ABCA10: variants seen among roughly 807,000 people sequenced by gnomAD.
The protein encoded by ABCA10 is ATP-binding cassette sub-family A member 10.
Under a neutral mutation model 187.5 loss-of-function variants are expected in ABCA10, and 169 were observed. The ratio of observed to expected loss-of-function variants is 0.90; its 90% CI spans 0.80 to 1.02. The LOEUF is 1.02. ABCA10 is among the 50% of genes least tolerant of loss of function. The pLI is 0.00. For synonymous variants in ABCA10, 574 were observed against 601.8 expected (o/e 0.95, Z 0.68); for missense variants, 1,727 against 1,812.4 (o/e 0.95, Z 0.86).
At chr17:69,168,028 G>A (rs2074267179) in intron 25 of ABCA10, among the ~76,000 whole-genome samples, 1 of 151,686 alleles carries the variant, frequency 6.6e-6, no homozygotes, top group Non-Finnish European at 1.5e-5. Context: ...TTAATATGAA[G>A]ACAACAAGAA....
At chr17:69,189,350 T>C (rs1017093237) in intron 18 of ABCA10, among the ~76,000 whole-genome samples, 4 of 152,216 alleles carry the variant, frequency 2.6e-5, no homozygotes, top group African/African-American at 9.6e-5. Flanking sequence ...TCTGTTCATG[T>C]CCTTTGTCCA....
At chr17:69,151,064 T>C (rs2074124145) in intron 36 of ABCA10, among the ~76,000 whole-genome samples, 1 of 152,198 alleles carries the variant, frequency 6.6e-6, no homozygotes, top group Admixed American at 6.5e-5. Context: ...ACTTTGTTTG[T>C]TGCCAGACCA....
At chr17:69,152,549 G>A (rs866043594) in intron 34 of ABCA10, 68 bp from the exon 35 acceptor site, 31 of 1,534,436 alleles carry the variant, frequency 2.0e-5, no homozygotes, top group Non-Finnish European at 2.5e-5. Context: ...ATAGAAAAAA[G>A]CAGGAAATCT....
Position 69,226,369 on chromosome 17 carries a change from G to A in ABCA10, c.-172+776C>T, listed in dbSNP as rs529593137. Among the ~76,000 whole-genome samples, 15 of 151,952 alleles carry A rather than the reference G, an allele frequency of 9.9e-5. No individual in the cohort carries two copies. The East Asian group carries it at 1.4e-3, about 14-fold the overall frequency. The stretch of plus-strand genomic sequence containing the variant: ...ATAGATGTATCCTTCTTCAATATAC[G>A]AAGCAAAATATTTGATCGAACTGCT... On this transcript the variant is annotated intron_variant, in intron 2 of 38. Coordinates refer to ENST00000690296, the MANE Select transcript of ABCA10 (RefSeq NM_001377321.1).
rs565088982 is a variant in ABCA10, at chr17:69,244,168, A to G, written c.-593+361T>C. On this transcript the variant is annotated intron_variant, in intron 1 of 39. Transcript: ENST00000269081. The stretch of plus-strand genomic sequence containing the variant: ...TTAAAGTGATTGCTTTCTATTTACA[A>G]AAAAATACATTCAAGACAAAAAGAT... The G allele has an allele frequency of 1.4e-4, 22 of 152,296 alleles. No homozygotes were observed. In the South Asian group the frequency reaches 3.1e-3, roughly 21 times the overall value. The allele number at this position is 152,296 out of a possible 1,614,324, so 9.4% of individuals were successfully genotyped here. A position where few individuals can be genotyped will look rare whatever the true frequency, so the allele number is the denominator to read the frequency against.
rs960960957 is a variant in ABCA10, at chr17:69,164,985, C to G, written c.3261G>C (p.Gly1087=). The G allele has an allele frequency of 1.2e-6, 2 of 1,612,932 alleles. No homozygotes were observed. The highest frequency in any genetic ancestry group is 1.7e-6 in the Non-Finnish European group (2 of 1,179,386). Residue 1087 remains glycine (G), a synonymous_variant, in exon 26 of 39, where the codon GGG becomes GGC. Transcript: ENST00000690296. ...MIFIPSFTLL[G]YVMLLIQLDF... is the part of the protein sequence containing the mutation. Reference sequence around the variant, plus strand: ...TTACCTGGATCAATAACATGACATACCCCAGCAAAGTGAAGGAAGGTATGA... The same window carrying G: ...TTACCTGGATCAATAACATGACATAGCCCAGCAAAGTGAAGGAAGGTATGA...
chr17:69,175,421 G>A lies in ABCA10; in HGVS notation c.2862C>T (p.Ser954=), dbSNP rs780752814. Residue 954 remains serine (S), a synonymous_variant, in exon 23 of 39, where the codon AGC becomes AGT. Coordinates refer to ENST00000690296, the MANE Select transcript of ABCA10 (RefSeq NM_001377321.1). ...NCVSPFIGMS[S]ISDYKKNVQS... ...TCCCTCTTACTTTATAATCGCTGAT[G>A]CTGCTCATGCCGATAAAAGGAGAAA... is the stretch of plus-strand genomic sequence containing the variant. 1.9e-6 allele frequency: 3 copies of A among 1,609,994 alleles called. No individual in the cohort carries two copies. In the East Asian group the frequency reaches 6.7e-5, roughly 36 times the overall value.
Position 69,187,856 on chromosome 17 carries a change from T to C in ABCA10, c.2155A>G (p.Lys719Glu). Residue 719 changes from lysine to glutamate, a missense_variant, in exon 19 of 39, where the codon AAA becomes GAA. Transcript: ENST00000690296. ...CCAGTATTTCTTGTCACATGTATTT[T>C]CTCTTGTTTCCCAATGTCAAAATCT... ...EPDFDIGKQEKIHVTRNTGDE... is the reference protein window; with the variant it reads ...EPDFDIGKQEEIHVTRNTGDE... 6.2e-7 allele frequency: 1 copy of C among 1,613,732 alleles called. No homozygotes were observed. The highest frequency in any genetic ancestry group is 8.5e-7 in the Non-Finnish European group (1 of 1,179,704).
chr17:69,222,746 A>G, intron 3 of ABCA10, 49 bp from the exon 4 acceptor site: 1 of 1,481,940 alleles, frequency 6.7e-7, no homozygotes, highest in Non-Finnish European at 8.9e-7. Flanking sequence ...ACTTATTACT[A>G]GAGGACACAA....
chr17:69,243,134 T>A (rs138993752), intron 1 of ABCA10, among the ~76,000 whole-genome samples: 1 of 152,336 alleles, frequency 6.6e-6, no homozygotes, highest in East Asian at 1.9e-4. Flanking sequence ...ATTTTGATAG[T>A]GTGAGATAGC....
chr17:69,174,205 A>T, intron 25 of ABCA10, 76 bp downstream of exon 25: 1 of 1,117,112 alleles, frequency 9.0e-7, no homozygotes, highest in Non-Finnish European at 1.3e-6. Context: ...TAAGCAAAGT[A>T]TTTATACTTA....
chr17:69,149,997 GA>G lies in ABCA10; in HGVS notation c.4463del (p.Phe1488SerfsTer3). The G allele has an allele frequency of 2.5e-6, 4 of 1,611,702 alleles. No homozygotes were observed. The highest frequency in any genetic ancestry group is 3.4e-6 in the Non-Finnish European group (4 of 1,178,492). On this transcript the variant is annotated frameshift_variant, in exon 37 of 39. Coordinates refer to ENST00000690296, the MANE Select transcript of ABCA10 (RefSeq NM_001377321.1). LOFTEE classifies it high-confidence loss of function. Reference sequence around the variant, plus strand: ...ACCCAAACTTACTCGCCTCTAACTTGAAAAAGGCCCGAGATAGAGGGTGGAC... The same window carrying G: ...ACCCAAACTTACTCGCCTCTAACTTGAAAAGGCCCGAGATAGAGGGTGGAC... ...EDVHPLSRAF[F>X]KLEAMKQTFN...
chr17:69,183,354 A>G (rs928632032), intron 20 of ABCA10, among the ~76,000 whole-genome samples: 4 of 152,124 alleles, frequency 2.6e-5, no homozygotes, highest in African/African-American at 9.7e-5. Context: ...TCCATCATAG[A>G]TGGAAAGGAA....
At chr17:69,219,837 CT>C in intron 5 of ABCA10, 66 bp from the exon 6 acceptor site, 1 of 1,134,954 alleles carries the variant, frequency 8.8e-7, no homozygotes. Flanking sequence ...AAACTATACA[CT>C]TTTTATTTTC....
chr17:69,196,873 C>T (rs113464685), intron 11 of ABCA10, among the ~76,000 whole-genome samples, 191 bp downstream of exon 11: 11,071 of 152,114 alleles, frequency 0.073, 532 homozygotes, highest in Admixed American at 0.15. Flanking sequence ...ACCAGTCAGG[C>T]GTGGCAGCAC....
rs188317853 is a variant in ABCA10, at chr17:69,197,848, A to G, written c.1176-726T>C. ...TCTTATTCTCAAACCTTTGCCATAC[A>G]ATCTTACCCACTCTCATGGCTTCAA... On this transcript the variant is annotated intron_variant, in intron 10 of 38. Transcript: ENST00000690296. Among the ~76,000 whole-genome samples, 375 of 152,278 alleles carry G rather than the reference A, an allele frequency of 2.5e-3. 3 individuals are homozygous for G. The highest frequency in any genetic ancestry group is 8.7e-3 in the African/African-American group (363 of 41,552).
At chr17:69,211,347 A>G (rs76561192) in intron 9 of ABCA10, among the ~76,000 whole-genome samples, 99 of 18,572 alleles carry the variant, frequency 5.3e-3, no homozygotes, top group Middle Eastern at 0.038. Flanking sequence ...ATATATATAT[A>G]TATATATATA....
At chr17:69,195,421 C>G (rs2074490667) in intron 11 of ABCA10, among the ~76,000 whole-genome samples, 1 of 151,524 alleles carries the variant, frequency 6.6e-6, no homozygotes, top group Non-Finnish European at 1.5e-5. Context: ...TGGTAATTAT[C>G]CCTCATGGCA....
chr17:69,183,749 G>T (rs1159190203), intron 20 of ABCA10, among the ~76,000 whole-genome samples: 1 of 152,116 alleles, frequency 6.6e-6, no homozygotes, highest in Non-Finnish European at 1.5e-5. Context: ...TGTCTCAGAG[G>T]GGTCCTTGGG....
Sources: allele counts gnomAD v4.1 joint callset (sites outside exome capture counted in the v4.1 genomes callset), GRCh38; gene constraint gnomAD v4.1.1; transcripts MANE v1.5; gene names NCBI Gene and HGNC (gene_info 2026-07-23, HGNC 2026-07-21).